SV2B: variants seen among roughly 807,000 people sequenced by gnomAD.
SV2B encodes solute carrier family 22 member B2.
Under a neutral mutation model 73.9 loss-of-function variants are expected in SV2B, and 41 were observed. The observed-to-expected ratio is 0.56, with a 90% CI of 0.43 to 0.72. SV2B has a LOEUF of 0.72. Among genes scored for constraint, SV2B ranks in the 30% least tolerant of loss-of-function variants. The pLI, the probability that SV2B is intolerant of heterozygous loss-of-function variation, is 0.00. For synonymous variants in SV2B, 314 were observed against 314.2 expected, an observed-to-expected ratio of 1.00 and a Z score of 0.01; for missense variants, 764 against 857.8, an observed-to-expected ratio of 0.89 and a Z score of 1.37.
In SV2B at chr15:91,105,601, A is replaced by G. The variant is rs2041860823; in HGVS notation, c.-392+5238A>G. 6.6e-6 allele frequency among the ~76,000 whole-genome samples: 1 copy of G among 152,178 alleles called. No homozygotes were observed. Among genetic ancestry groups the G allele is most frequent in the African/African-American group, 2.4e-5 (1 of 41,438 alleles). The stretch of plus-strand genomic sequence containing the variant: ...GAGGAAAATGGGACACCACTGGAGA[A>G]TTCTGAGCACAGGGTGCTATTAGCT... On this transcript the variant is annotated intron_variant, in intron 1 of 12. Transcript: ENST00000394232. The surrounding 1 kb of genome is among the most constrained non-coding windows in gnomAD (Gnocchi z 5.5).
intron 1 of SV2B, among the ~76,000 whole-genome samples, chr15:91,113,884 A>C (rs920261073): frequency 3.3e-5 from 5 of 152,230 alleles, no homozygotes; most frequent in Non-Finnish European, 7.4e-5. Flanking sequence ...CATGTTTGTC[A>C]GTGCGTAGTA....
At chr15:91,183,422 A>G (rs2044658044) in intron 1 of SV2B, among the ~76,000 whole-genome samples, 1 of 152,206 alleles carries the variant, frequency 6.6e-6, no homozygotes, top group Non-Finnish European at 1.5e-5. Context: ...CTAAAGAAAT[A>G]GTTCAGATAT....
rs1026947268 is a variant in SV2B, at chr15:91,139,575, A to G, written c.-392+39212A>G. On this transcript the variant is annotated intron_variant, in intron 1 of 12. Coordinates refer to ENST00000394232, the MANE Select transcript of SV2B (RefSeq NM_001323032.3). This position sits in a 1 kb window ranked among gnomAD's most constrained non-coding sequence, Gnocchi z 5.2. ...GAGTAAGCCTTGGGCTAAGGGCACT[A>G]AGTTAAGCTGCAACCCCAGCTAAGG... Among the ~76,000 whole-genome samples, 1 of 152,146 alleles carries G rather than the reference A, an allele frequency of 6.6e-6. No individual in the cohort carries two copies. Among genetic ancestry groups the G allele is most frequent in the Non-Finnish European group, 1.5e-5 (1 of 68,020 alleles).
chr15:91,282,753 A>T (rs538968943), intron 10 of SV2B, among the ~76,000 whole-genome samples: 1 of 152,332 alleles, frequency 6.6e-6, no homozygotes, highest in East Asian at 1.9e-4. Flanking sequence ...GGGATAGTTT[A>T]TATAAGAACA....
intron 1 of SV2B, among the ~76,000 whole-genome samples, chr15:91,176,059 T>G (rs2044295578): frequency 6.9e-6 from 1 of 144,390 alleles, no homozygotes. Context: ...CCCACAACAG[T>G]CCCCAGAGTG....
At position 91,123,147 on chromosome 15, in the gene SV2B, G is replaced by A. The variant is rs186219944; in HGVS notation, c.-392+22784G>A. Among the ~76,000 whole-genome samples, 4 of 151,884 alleles carry A rather than the reference G, an allele frequency of 2.6e-5. No individual in the cohort carries two copies. In the East Asian group the frequency reaches 7.8e-4, roughly 29 times the overall value. ...AAATTAGCTAAGCATGGTGGTGTGC[G>A]CTTGTAGTCTCAGCTACCTGGGAGG... On this transcript the variant is annotated intron_variant, in intron 1 of 12. Coordinates refer to ENST00000394232, the MANE Select transcript of SV2B (RefSeq NM_001323032.3). This position sits in a 1 kb window ranked among gnomAD's most constrained non-coding sequence, Gnocchi z 4.7.
intron 1 of SV2B, among the ~76,000 whole-genome samples, chr15:91,211,958 T>C (rs189125044): frequency 5.3e-5 from 8 of 152,230 alleles, no homozygotes; most frequent in Admixed American, 3.3e-4. Flanking sequence ...ATTTTTAAAC[T>C]AGACTTTCAG....
chr15:91,158,677 T>TTCTCC, intron 1 of SV2B, among the ~76,000 whole-genome samples: 1 of 73,690 alleles, frequency 1.4e-5, no homozygotes. Context: ...TTCTCTTCTC[T>TTCTCC]TCTCTTCTCT....
At position 91,240,140 on chromosome 15, in the gene SV2B, A is replaced by G. The variant is rs991525867; in HGVS notation, c.452-11679A>G. Among the ~76,000 whole-genome samples, 2 of 152,248 alleles carry G rather than the reference A, an allele frequency of 1.3e-5. No individual in the cohort carries two copies. Among genetic ancestry groups the G allele is most frequent in the African/African-American group, 4.8e-5 (2 of 41,468 alleles). Reference sequence around the variant, plus strand: ...AAAAGGGCTGTTGGGAACATGACCAACAGAGTCTATTGCAGGCACAAGGTT... The same window carrying G: ...AAAAGGGCTGTTGGGAACATGACCAGCAGAGTCTATTGCAGGCACAAGGTT... On this transcript the variant is annotated intron_variant, in intron 2 of 12. Transcript: ENST00000394232. This position sits in a 1 kb window ranked among gnomAD's most constrained non-coding sequence, Gnocchi z 4.6.
Position 91,242,015 on chromosome 15 carries a change from C to T in SV2B, c.452-9804C>T, listed in dbSNP as rs1389957380. Among the ~76,000 whole-genome samples the T allele has an allele frequency of 7.4e-6, 1 of 135,258 alleles. No homozygotes were observed. The highest frequency in any genetic ancestry group is 1.5e-5 in the Non-Finnish European group (1 of 65,820). The allele number at this position is 135,258 out of a possible 152,430, so 88.7% of individuals were successfully genotyped here. A position where few individuals can be genotyped will look rare whatever the true frequency, so the allele number is the denominator to read the frequency against. On this transcript the variant is annotated intron_variant, in intron 2 of 12. Transcript: ENST00000394232. The surrounding 1 kb of genome is among the most constrained non-coding windows in gnomAD (Gnocchi z 4.9). ...TAATCCTCGCCTCTTCAGAAACCTG[C>T]TCTTGTCTAGATCACTCTTGGCCTC...
chr15:91,101,189 C>T (rs543804311), intron 1 of SV2B, among the ~76,000 whole-genome samples: 1 of 152,106 alleles, frequency 6.6e-6, no homozygotes, highest in Admixed American at 6.5e-5. Context: ...GCTTTCTAGC[C>T]CTTGGGGAGG....
In SV2B at chr15:91,236,582, C is replaced by T. The variant is rs917607269; in HGVS notation, c.451+9868C>T. 2.2e-4 allele frequency among the ~76,000 whole-genome samples: 33 copies of T among 152,090 alleles called. 1 individual carries two copies. Among genetic ancestry groups the T allele is most frequent in the Non-Finnish European group, 4.4e-5 (3 of 68,004 alleles). ...ATGTAAGCTTTTGACCTTGGTGGCC[C>T]AATGAAGAGGGTTTAGAGATGGATC... On this transcript the variant is annotated intron_variant, in intron 2 of 12. Coordinates refer to ENST00000394232, the MANE Select transcript of SV2B (RefSeq NM_001323032.3). The surrounding 1 kb of genome is among the most constrained non-coding windows in gnomAD (Gnocchi z 4.1).
intron 4 of SV2B, among the ~76,000 whole-genome samples, chr15:91,254,697 G>A (rs1355589099): frequency 6.6e-6 from 1 of 152,128 alleles, no homozygotes; most frequent in Non-Finnish European, 1.5e-5. Flanking sequence ...GAGGGGAGAA[G>A]TGACACAAAA....
chr15:91,268,664 T>C lies in SV2B; in HGVS notation c.1373+59T>C. On this transcript the variant is annotated intron_variant, in intron 9 of 12. Coordinates refer to ENST00000394232, the MANE Select transcript of SV2B (RefSeq NM_001323032.3). This position sits in a 1 kb window ranked among gnomAD's most constrained non-coding sequence, Gnocchi z 4.4. ...GGGTGACAGTCGTGGGGACTGTTAT[T>C]GGGAGGGAGCCGGAGGGAAGATAAG... 1 of 1,566,958 alleles carries C rather than the reference T, an allele frequency of 6.4e-7. No homozygotes were observed. Among genetic ancestry groups the C allele is most frequent in the South Asian group, 1.2e-5 (1 of 86,250 alleles).
intron 1 of SV2B, among the ~76,000 whole-genome samples, chr15:91,211,854 T>A (rs1211734037): frequency 6.9e-6 from 1 of 143,916 alleles, no homozygotes. Context: ...TTGCCCAAGC[T>A]GGTCTCGAAC....
At position 91,231,058 on chromosome 15, in the gene SV2B, G is replaced by A. The variant is rs1475881349; in HGVS notation, c.451+4344G>A. 6.6e-6 allele frequency among the ~76,000 whole-genome samples: 1 copy of A among 152,132 alleles called. No homozygotes were observed. The highest frequency in any genetic ancestry group is 1.5e-5 in the Non-Finnish European group (1 of 68,034). ...GATTCCACAGTTTTTGGTGGTTGAT[G>A]AGTGAATCCACATGTATTTTAACCT... On this transcript the variant is annotated intron_variant, in intron 2 of 12. Coordinates refer to ENST00000394232, the MANE Select transcript of SV2B (RefSeq NM_001323032.3). The surrounding 1 kb of genome is among the most constrained non-coding windows in gnomAD (Gnocchi z 4.5).
At chr15:91,254,417 A>G (rs1185589980) in intron 4 of SV2B, among the ~76,000 whole-genome samples, 1 of 151,936 alleles carries the variant, frequency 6.6e-6, no homozygotes, top group African/African-American at 2.4e-5. Context: ...TTGTATTTTT[A>G]GTAGAGTCGG....
intron 1 of SV2B, among the ~76,000 whole-genome samples, chr15:91,187,518 C>A (rs1242902032): frequency 6.6e-6 from 1 of 152,150 alleles, no homozygotes; most frequent in Non-Finnish European, 1.5e-5. Context: ...TGGAAGTCAC[C>A]CCATTCTAAT....
chr15:91,130,156 A>T lies in SV2B; in HGVS notation c.-392+29793A>T, dbSNP rs2042598617. 6.6e-6 allele frequency among the ~76,000 whole-genome samples: 1 copy of T among 151,976 alleles called. No homozygotes were observed. The highest frequency in any genetic ancestry group is 1.5e-5 in the Non-Finnish European group (1 of 68,046). ...ATGGATGAGATGATTCTTAATGCTG[A>T]GATGAAACGGCTAGGACTTGGCAAG... is the stretch of plus-strand genomic sequence containing the variant. On this transcript the variant is annotated intron_variant, in intron 1 of 12. Coordinates refer to ENST00000394232, the MANE Select transcript of SV2B (RefSeq NM_001323032.3). The surrounding 1 kb of genome is among the most constrained non-coding windows in gnomAD (Gnocchi z 5.6).
Sources: gnomAD v4.1 joint callset for allele counts (sites outside exome capture counted in the v4.1 genomes callset) on GRCh38, gnomAD v4.1.1 for gene constraint, Gnocchi (gnomAD v3.1) non-coding constraint, MANE v1.5 for transcripts, NCBI Gene and HGNC (gene_info 2026-07-23, HGNC 2026-07-21) for gene names.